The following COL7A1 variants were observed in gnomAD, a reference collection of about 807,000 sequenced individuals.
COL7A1 encodes collagen type VII alpha 1 chain.
In COL7A1, 296 loss-of-function variants were observed where a neutral mutation model predicts 456.2. That is an observed-to-expected ratio of 0.65 (90% CI 0.59 to 0.71). COL7A1 has a LOEUF of 0.71. Among genes scored for constraint, COL7A1 ranks in the 30% least tolerant of loss-of-function variants. The probability of loss-of-function intolerance (pLI) is 0.00; values close to 1 mark genes in which losing one functional copy is unlikely to be tolerated. For missense variants in COL7A1, 3,441 were observed against 4,017.2 expected, an observed-to-expected ratio of 0.86 and a Z score of 3.88; for synonymous variants, 1,464 against 1,525.9, an observed-to-expected ratio of 0.96 and a Z score of 0.95.
rs73831831 is a variant in COL7A1 at position 48,581,943 on chromosome 3, C to T, written c.4636G>A (p.Gly1546Arg). The T allele has an allele frequency of 6.2e-7, 1 of 1,613,982 alleles. No individual in the cohort carries two copies. Among genetic ancestry groups the T allele is most frequent in the South Asian group, 1.1e-5 (1 of 91,078 alleles). ...CCTTTGGGTCCAGCAACAGCAGGTC[C>T]CTGAAAACAAACAGGACAGATACAG... Reference protein sequence around the residue: ...PGRPGDPAVVGPAVAGPKGEK... With the variant: ...PGRPGDPAVVRPAVAGPKGEK... The change falls in exon 48 of 119, where the codon GGA (glycine) becomes AGA (arginine). Residue 1546 changes from glycine (G) to arginine (R), a missense_variant and splice_region_variant. This residue lies in a region of COL7A1 where 2,084 missense variants were observed against 2,501.3 expected (regional missense o/e 0.83). Transcript: ENST00000681320. This position sits in a 1 kb window ranked among gnomAD's most constrained non-coding sequence, Gnocchi z 5.8.
chr3:48,588,074 C>T lies in COL7A1; in HGVS notation c.2711-135G>A, dbSNP rs1575478370. 3 of 1,332,656 alleles carry T rather than the reference C, an allele frequency of 2.3e-6. No homozygotes were observed. The highest frequency in any genetic ancestry group is 3.1e-6 in the Non-Finnish European group (3 of 970,656). 82.6% of individuals were successfully genotyped at this position (1,332,656 alleles called of 1,614,324 possible). ...ACTGATCTTCCTCATCCTCACTGAC[C>T]CTGCCCACTTTACGGACCCTGCCAG... On this transcript the variant is annotated intron_variant, in intron 21 of 118. Transcript: ENST00000681320. This position sits in a 1 kb window ranked among gnomAD's most constrained non-coding sequence, Gnocchi z 4.6.
chr3:48,565,488 G>T lies in COL7A1; in HGVS notation c.8449C>A (p.Pro2817Thr). 1.2e-6 allele frequency: 2 copies of T among 1,613,632 alleles called. No homozygotes were observed. The highest frequency in any genetic ancestry group is 1.7e-6 in the Non-Finnish European group (2 of 1,179,760). The change falls in exon 116 of 119, where the codon CCT becomes ACT. Residue 2817 changes from proline to threonine, a missense_variant. Physicochemically the swap from Pro to Thr is conservative, Grantham distance 38 (BLOSUM62 -1). Coordinates refer to ENST00000681320, the MANE Select transcript of COL7A1 (RefSeq NM_000094.4). This position sits in a 1 kb window ranked among gnomAD's most constrained non-coding sequence, Gnocchi z 4.5. ...CCGGCAGTGTCTGCAGCATAACTAGGGAGGGGTCCTGGAGCCAAGAGCAGG... is the reference window on the plus strand; with the variant it reads ...CCGGCAGTGTCTGCAGCATAACTAGTGAGGGGTCCTGGAGCCAAGAGCAGG... ...QFIASGSRPL[P>T]SYAADTAGSQ...
chr3:48,575,291 C>T lies in COL7A1; in HGVS notation c.6180+48G>A. 6.2e-7 allele frequency: 1 copy of T among 1,612,990 alleles called. No homozygotes were observed. The highest frequency in any genetic ancestry group is 8.5e-7 in the Non-Finnish European group (1 of 1,179,180). Reference sequence around the variant, plus strand: ...GGCCAAGCCCATGGGGGGTCCCACCCCTCCCAACCCCTCTTCCCTCACTCT... The same window carrying T: ...GGCCAAGCCCATGGGGGGTCCCACCTCTCCCAACCCCTCTTCCCTCACTCT... On this transcript the variant is annotated intron_variant, in intron 74 of 118. Coordinates refer to ENST00000681320, the MANE Select transcript of COL7A1 (RefSeq NM_000094.4). The surrounding 1 kb of genome is among the most constrained non-coding windows in gnomAD (Gnocchi z 6.3).
chr3:48,579,210 G>A lies in COL7A1; in HGVS notation c.5375C>T (p.Pro1792Leu). The change falls in exon 62 of 119, where the codon CCC (proline) becomes CTC (leucine). Residue 1792 changes from proline (P) to leucine (L), a missense_variant. Coordinates refer to ENST00000681320, the MANE Select transcript of COL7A1 (RefSeq NM_000094.4). The surrounding 1 kb of genome is among the most constrained non-coding windows in gnomAD (Gnocchi z 4.4). ...ACCAAGACTCACATTCGGCCCAGAGGGCCCAGCGGCTCCTGGTTTCCCATC... is the reference window on the plus strand; with the variant it reads ...ACCAAGACTCACATTCGGCCCAGAGAGCCCAGCGGCTCCTGGTTTCCCATC... The part of the protein sequence containing the change: ...GLDGKPGAAG[P>L]SGPNGAAGKA... The A allele has an allele frequency of 2.5e-6, 4 of 1,613,508 alleles. No homozygotes were observed. Among genetic ancestry groups the A allele is most frequent in the Non-Finnish European group, 3.4e-6 (4 of 1,180,012 alleles).
Position 48,566,420 on chromosome 3 carries a change from C to G in COL7A1, c.8358+90G>C. On this transcript the variant is annotated intron_variant, in intron 113 of 118. Coordinates refer to ENST00000681320, the MANE Select transcript of COL7A1 (RefSeq NM_000094.4). This position sits in a 1 kb window ranked among gnomAD's most constrained non-coding sequence, Gnocchi z 5.9. ...GGTGAGACTGCATGGAGCCAGGGCC[C>G]AGGGGTCAGGGTGCTGGGTGAGGGA... is the stretch of plus-strand genomic sequence containing the variant. The G allele has an allele frequency of 1.9e-6, 3 of 1,608,856 alleles. No homozygotes were observed. The highest frequency in any genetic ancestry group is 2.6e-6 in the Non-Finnish European group (3 of 1,176,186).
intron 47 of COL7A1, 107 bp from the exon 48 acceptor site, chr3:48,582,050 C>G (rs181362445): frequency 6.6e-7 from 1 of 1,516,114 alleles, no homozygotes; most frequent in African/African-American, 1.4e-5. Flanking sequence ...ACAGCTCAGT[C>G]CCCGCCCAGA....
Position 48,580,648 on chromosome 3 carries a change from G to GC in COL7A1, c.4984dup (p.Ala1662GlyfsTer10). 6.2e-7 allele frequency: 1 copy of GC among 1,613,738 alleles called. No individual in the cohort carries two copies. The highest frequency in any genetic ancestry group is 8.5e-7 in the Non-Finnish European group (1 of 1,179,904). On this transcript the variant is annotated frameshift_variant, in exon 55 of 119. Coordinates refer to ENST00000681320, the MANE Select transcript of COL7A1 (RefSeq NM_000094.4). LOFTEE classifies it high-confidence loss of function. The surrounding 1 kb of genome is among the most constrained non-coding windows in gnomAD (Gnocchi z 4.5). Reference sequence around the variant, plus strand: ...ACCCACAGGCCCCCGAACTCCAGGTGCCCCCTAAGAAGAGCAGCTGGCCTG... The same window carrying GC: ...ACCCACAGGCCCCCGAACTCCAGGTGCCCCCCTAAGAAGAGCAGCTGGCCTG...
Position 48,581,063 on chromosome 3 carries a change from C to A in COL7A1, c.4935+59G>T. On this transcript the variant is annotated intron_variant, in intron 53 of 118. Coordinates refer to ENST00000681320, the MANE Select transcript of COL7A1 (RefSeq NM_000094.4). This position sits in a 1 kb window ranked among gnomAD's most constrained non-coding sequence, Gnocchi z 5.8. ...ATGGATGAACTGGTGGAGCACCAGC[C>A]TACTGGGATCCTAGTTCAAGGGTAA... 6.2e-7 allele frequency: 1 copy of A among 1,608,924 alleles called. No individual in the cohort carries two copies. Among genetic ancestry groups the A allele is most frequent in the South Asian group, 1.1e-5 (1 of 90,942 alleles).
chr3:48,565,665 C>A lies in COL7A1; in HGVS notation c.8411G>T (p.Cys2804Phe). 6.2e-7 allele frequency: 1 copy of A among 1,613,264 alleles called. No homozygotes were observed. Among genetic ancestry groups the A allele is most frequent in the Non-Finnish European group, 8.5e-7 (1 of 1,179,688 alleles). The change falls in exon 115 of 119, where the codon TGC becomes TTC. Residue 2804 changes from cysteine to phenylalanine, a missense_variant. By Grantham distance (205) the Cys-to-Phe change is radical (BLOSUM62 -2). Around this residue, in one of 3 missense-constraint regions of COL7A1, gnomAD observed 2,084 missense variants for 2,501.3 expected, o/e 0.83. Transcript: ENST00000681320. The surrounding 1 kb of genome is among the most constrained non-coding windows in gnomAD (Gnocchi z 4.5). ...VRQEMSQHCA[C>F]QGQFIASGSR... ...TCCAGATGCGATGAACTGGCCCTGG[C>A]AGGCTAGAGGGGGCAGAGAGGGATA...
chr3:48,566,370 A>T lies in COL7A1; in HGVS notation c.8359-55T>A. ...AGAACCCATGGCCCACAGGAAGGAC[A>T]TAGGGCACATAATACAGGGACTATG... On this transcript the variant is annotated intron_variant, in intron 113 of 118. Transcript: ENST00000681320. This position sits in a 1 kb window ranked among gnomAD's most constrained non-coding sequence, Gnocchi z 5.9. The T allele has an allele frequency of 6.2e-7, 1 of 1,604,306 alleles. No homozygotes were observed.
Position 48,586,551 on chromosome 3 carries a change from T to G in COL7A1, c.3403+12A>C. 1 of 1,613,784 alleles carries G rather than the reference T, an allele frequency of 6.2e-7. No homozygotes were observed. The highest frequency in any genetic ancestry group is 1.7e-5 in the Admixed American group (1 of 60,034). On this transcript the variant is annotated intron_variant, in intron 26 of 118. Coordinates refer to ENST00000681320, the MANE Select transcript of COL7A1 (RefSeq NM_000094.4). This position sits in a 1 kb window ranked among gnomAD's most constrained non-coding sequence, Gnocchi z 5.1. The stretch of plus-strand genomic sequence containing the variant: ...GATAGCCCCAGGAGTCCATGCCTGC[T>G]GCAGTCCTCACCCAGGTTGTTCCCA...
Position 48,591,494 on chromosome 3 carries a change from G to C in COL7A1, c.1606C>G (p.Gln536Glu). ...VSWSPVPGAT[Q>E]YRIIVRSTQG... ...GTGCTGCGCACAATGATGCGGTACT[G>C]GGTGGCACCAGGGACTGGGCTCCAG... The change falls in exon 13 of 119, where the codon CAG (glutamine) becomes GAG (glutamate). Residue 536 changes from glutamine (Q) to glutamate (E), a missense_variant. Physicochemically the swap from Gln to Glu is conservative, Grantham distance 29. Coordinates refer to ENST00000681320, the MANE Select transcript of COL7A1 (RefSeq NM_000094.4). The surrounding 1 kb of genome is among the most constrained non-coding windows in gnomAD (Gnocchi z 7.0). The C allele has an allele frequency of 6.2e-7, 1 of 1,614,016 alleles. No individual in the cohort carries two copies. The highest frequency in any genetic ancestry group is 1.1e-5 in the South Asian group (1 of 91,078).
At position 48,572,823 on chromosome 3, in the gene COL7A1, G is replaced by A; in HGVS notation, c.6831+39C>T. On this transcript the variant is annotated intron_variant, in intron 87 of 118. Transcript: ENST00000681320. The surrounding 1 kb of genome is among the most constrained non-coding windows in gnomAD (Gnocchi z 4.6). ...CTCCTCATATTTCAGGCCCACAGCT[G>A]GGCACCACACCCTAGCGAGCTGCCC... 6.2e-7 allele frequency: 1 copy of A among 1,613,404 alleles called. No homozygotes were observed. Among genetic ancestry groups the A allele is most frequent in the Non-Finnish European group, 8.5e-7 (1 of 1,179,512 alleles).
rs1470445448 is a variant in COL7A1, at chr3:48,585,084, G to A, written c.3927C>T (p.Ser1309=). The change falls in exon 33 of 119, where the codon AGC becomes AGT. Residue 1309 remains serine, a synonymous_variant. Transcript: ENST00000681320. The surrounding 1 kb of genome is among the most constrained non-coding windows in gnomAD (Gnocchi z 4.5). Reference sequence around the variant, plus strand: ...TCCCAGGATTCCCGGCGCGGCCAGGGCTGCCTGGACGCCCATCTGCTCCAG... The same window carrying A: ...TCCCAGGATTCCCGGCGCGGCCAGGACTGCCTGGACGCCCATCTGCTCCAG... ...GFPGADGRPG[S]PGRAGNPGTP... The A allele has an allele frequency of 6.2e-7, 1 of 1,612,158 alleles. No individual in the cohort carries two copies.
In COL7A1 at chr3:48,591,976, C is replaced by T. The variant is rs2045736643; in HGVS notation, c.1279G>A (p.Gly427Ser). 1 of 1,614,200 alleles carries T rather than the reference C, an allele frequency of 6.2e-7. No homozygotes were observed. Among genetic ancestry groups the T allele is most frequent in the Non-Finnish European group, 8.5e-7 (1 of 1,180,032 alleles). ...VEQTLRPVIL[G>S]PTSILLSWNL... is the part of the protein sequence containing the mutation. ...CAGGAAAGGAGGATGGATGTGGGGC[C>T]CAGGATGACCGGGCGCAGGGTCTGC... The change falls in exon 11 of 119, where the codon GGC becomes AGC. Residue 427 changes from glycine (G) to serine (S), a missense_variant. Gly to Ser is a moderately conservative substitution (Grantham distance 56). Transcript: ENST00000681320. The surrounding 1 kb of genome is among the most constrained non-coding windows in gnomAD (Gnocchi z 7.0).
Position 48,594,223 on chromosome 3 carries a change from G to A in COL7A1, c.266+145C>T, listed in dbSNP as rs2045910701. The A allele has an allele frequency of 6.7e-6, 6 of 891,086 alleles. No individual in the cohort carries two copies. Among genetic ancestry groups the A allele is most frequent in the Non-Finnish European group, 1.0e-5 (6 of 581,932 alleles). 55.2% of individuals were successfully genotyped at this position (891,086 alleles called of 1,614,324 possible). On this transcript the variant is annotated intron_variant, in intron 3 of 118. Transcript: ENST00000681320. The surrounding 1 kb of genome is among the most constrained non-coding windows in gnomAD (Gnocchi z 5.5). ...GGGAATCCTTACCTCTGTCTCCAAA[G>A]GAGGTCCTGGCTAGGGGGTCTCTAG...
At position 48,578,547 on chromosome 3, in the gene COL7A1, C is replaced by CCT. The variant is rs372548541; in HGVS notation, c.5425-34_5425-33dup. ...AAAGTCTTTGTTAAGATTTATAGGG[C>CCT]CTCTGAGATATCCCTTGGGGCACAC... On this transcript the variant is annotated intron_variant, in intron 63 of 118. Transcript: ENST00000681320. The surrounding 1 kb of genome is among the most constrained non-coding windows in gnomAD (Gnocchi z 4.7). 4.0e-5 allele frequency: 64 copies of CCT among 1,607,714 alleles called. 1 individual carries two copies. In the African/African-American group the frequency reaches 5.2e-4, roughly 13 times the overall value.
Position 48,578,825 on chromosome 3 carries a change from CCCA to C in COL7A1, c.5424+91_5424+93del. 1 of 1,358,750 alleles carries C rather than the reference CCCA, an allele frequency of 7.4e-7. No homozygotes were observed. Among genetic ancestry groups the C allele is most frequent in the Non-Finnish European group, 1.0e-6 (1 of 998,464 alleles). 84.2% of individuals were successfully genotyped at this position (1,358,750 alleles called of 1,614,324 possible). On this transcript the variant is annotated intron_variant, in intron 63 of 118. Coordinates refer to ENST00000681320, the MANE Select transcript of COL7A1 (RefSeq NM_000094.4). This position sits in a 1 kb window ranked among gnomAD's most constrained non-coding sequence, Gnocchi z 4.7. ...CCCAAAGGCAAGGCTGAACCGACCC[CCCA>C]CCAACTCTCTCGGATGCTGTGACTA...
Position 48,592,598 on chromosome 3 carries a change from C to A in COL7A1, c.948G>T (p.Gly316=). The change falls in exon 8 of 119, where the codon GGG becomes GGT. Residue 316 remains glycine, a synonymous_variant. Transcript: ENST00000681320. This position sits in a 1 kb window ranked among gnomAD's most constrained non-coding sequence, Gnocchi z 7.6. ...TVIALYANSI[G]EAVSGTARTT... is the part of the protein sequence containing the mutation. The stretch of plus-strand genomic sequence containing the variant: ...TCCGAGCTGTCCCGCTCACAGCCTC[C>A]CCGATGCTGTTGGCGTAGAGGGCAA... The A allele has an allele frequency of 6.2e-7, 1 of 1,614,034 alleles. No individual in the cohort carries two copies. The highest frequency in any genetic ancestry group is 8.5e-7 in the Non-Finnish European group (1 of 1,180,044).
Sources: allele counts gnomAD v4.1 joint callset, GRCh38; gene constraint gnomAD v4.1.1; regional missense constraint gnomAD v4.1.1; non-coding constraint Gnocchi (gnomAD v3.1); transcripts MANE v1.5; gene names NCBI Gene and HGNC (gene_info 2026-07-23, HGNC 2026-07-21).